Variants in PPM1L observed in about 807,000 individuals in gnomAD.
The protein encoded by PPM1L is protein phosphatase, Mg2+/Mn2+ dependent 1L, also known as protein phosphatase 1L.
Under a neutral mutation model 31.4 loss-of-function variants are expected in PPM1L, and 13 were observed. That is an observed-to-expected ratio of 0.41 (90% CI 0.27 to 0.66). The LOEUF (loss-of-function observed/expected upper bound fraction) is 0.66. PPM1L is among the 30% of genes least tolerant of loss of function. The pLI, the probability that PPM1L is intolerant of heterozygous loss-of-function variation, is 0.29. For missense variants in PPM1L, 326 were observed against 453.7 expected, an observed-to-expected ratio of 0.72 and a Z score of 2.56; for synonymous variants, 184 against 175.4, an observed-to-expected ratio of 1.05 and a Z score of -0.39.
intron 2 of PPM1L, among the ~76,000 whole-genome samples, chr3:161,053,257 T>C (rs969952757): frequency 1.3e-5 from 2 of 152,208 alleles, no homozygotes; most frequent in Middle Eastern, 3.2e-3. Context: ...GCAATAGTTA[T>C]GAGAAGTATG....
At chr3:160,860,865 G>A (rs963534596) in intron 1 of PPM1L, among the ~76,000 whole-genome samples, 1 of 152,008 alleles carries the variant, frequency 6.6e-6, no homozygotes, top group Non-Finnish European at 1.5e-5. Flanking sequence ...CTTCCTATAA[G>A]GGCTCTAATC....
chr3:161,021,899 C>G (rs1718245031), intron 2 of PPM1L, among the ~76,000 whole-genome samples: 1 of 151,842 alleles, frequency 6.6e-6, no homozygotes, highest in Admixed American at 6.6e-5. Flanking sequence ...GCCATTGGAT[C>G]TAAAGTATTT....
At chr3:161,010,272 G>A (rs1007256689) in intron 2 of PPM1L, among the ~76,000 whole-genome samples, 3 of 151,914 alleles carry the variant, frequency 2.0e-5, no homozygotes, top group African/African-American at 4.8e-5. Context: ...TTGTCCTTGT[G>A]CTAGTTTGCT....
chr3:161,001,988 TCCCCCAA>T (rs1717501209), intron 2 of PPM1L, among the ~76,000 whole-genome samples: 1 of 76,164 alleles, frequency 1.3e-5, no homozygotes, highest in Non-Finnish European at 2.7e-5. Context: ...CCCTCCCCCC[TCCCCCAA>T]CCCCACAACA....
chr3:161,010,334 A>G (rs1717850958), intron 2 of PPM1L, among the ~76,000 whole-genome samples: 1 of 152,108 alleles, frequency 6.6e-6, no homozygotes, highest in African/African-American at 2.4e-5. Flanking sequence ...ACATGAACTC[A>G]TCCTTTTTAT....
At chr3:160,974,617 G>A (rs1222833638) in intron 2 of PPM1L, among the ~76,000 whole-genome samples, 3 of 151,252 alleles carry the variant, frequency 2.0e-5, no homozygotes, top group African/African-American at 4.9e-5. Context: ...TTTCTCTGAT[G>A]GCCAGTGATG....
intron 2 of PPM1L, among the ~76,000 whole-genome samples, chr3:160,984,674 C>T (rs1306042412): frequency 1.3e-5 from 2 of 152,188 alleles, no homozygotes; most frequent in South Asian, 2.1e-4. Flanking sequence ...TTCAGGGTCC[C>T]TGACTTCCTG....
chr3:161,006,655 C>A (rs1478083198), intron 2 of PPM1L, among the ~76,000 whole-genome samples: 1 of 150,118 alleles, frequency 6.7e-6, no homozygotes, highest in African/African-American at 2.5e-5. Context: ...TGCCATCAAA[C>A]ACTTCAGAAA....
intron 1 of PPM1L, among the ~76,000 whole-genome samples, chr3:160,832,534 C>T (rs903537542): frequency 2.0e-5 from 3 of 151,982 alleles, no homozygotes; most frequent in Admixed American, 2.0e-4. Flanking sequence ...TTTTATGAGT[C>T]CCAAAAACAA....
At chr3:160,950,192 A>G (rs936215470) in intron 1 of PPM1L, among the ~76,000 whole-genome samples, 5 of 152,104 alleles carry the variant, frequency 3.3e-5, no homozygotes, top group African/African-American at 4.8e-5. Flanking sequence ...TTGCTTGTCA[A>G]TCCACCTCCT....
intron 1 of PPM1L, among the ~76,000 whole-genome samples, chr3:160,771,654 A>T (rs944480085): frequency 1.3e-5 from 2 of 151,006 alleles, no homozygotes; most frequent in African/African-American, 2.4e-5. Context: ...GAAGCAGAAT[A>T]AACATGTGAC....
At chr3:160,802,527 G>T (rs750714743) in intron 1 of PPM1L, among the ~76,000 whole-genome samples, 1 of 152,166 alleles carries the variant, frequency 6.6e-6, no homozygotes. Context: ...ATTGAGCGCC[G>T]GGCTGGGTAC....
intron 1 of PPM1L, among the ~76,000 whole-genome samples, chr3:160,790,748 A>G (rs533273555): frequency 4.6e-5 from 7 of 152,258 alleles, no homozygotes; most frequent in Admixed American, 1.3e-4. Flanking sequence ...GAGAAGTCAC[A>G]GAGGGATGGC....
At chr3:160,944,336 G>C (rs981116326) in intron 1 of PPM1L, among the ~76,000 whole-genome samples, 2 of 151,818 alleles carry the variant, frequency 1.3e-5, no homozygotes, top group African/African-American at 4.8e-5. Context: ...AGTTGCTTAA[G>C]TTAGTTTTTT....
intron 1 of PPM1L, among the ~76,000 whole-genome samples, chr3:160,884,356 G>A (rs979181879): frequency 7.9e-5 from 12 of 152,134 alleles, no homozygotes; most frequent in African/African-American, 2.9e-4. Context: ...AGTGGAGAGT[G>A]CATTCCAGGT....
At chr3:160,924,759 G>A (rs1455212488) in intron 1 of PPM1L, among the ~76,000 whole-genome samples, 2 of 152,196 alleles carry the variant, frequency 1.3e-5, no homozygotes, top group Non-Finnish European at 2.9e-5. Context: ...AGTAAAGGGA[G>A]CACTTGTGTA....
At position 161,072,168 on chromosome 3, in the gene PPM1L, T is replaced by C. The variant is rs1719944848; in HGVS notation, c.*3011T>C. The C allele has an allele frequency of 6.6e-6, 1 of 152,208 alleles. No homozygotes were observed. Among genetic ancestry groups the C allele is most frequent in the Non-Finnish European group, 1.5e-5 (1 of 68,038 alleles). 9.4% of individuals were successfully genotyped at this position (152,208 alleles called of 1,614,324 possible). ...TTTTTTAATTAATTGTATCTAAAAT[T>C]CTTTCATCATAGGAATAAACAACAC... On this transcript the variant is annotated 3_prime_UTR_variant, in exon 4 of 4. Transcript: ENST00000498165.
Position 160,862,697 on chromosome 3 carries a change from CACACACAA to C in PPM1L, c.400-99037_400-99030del, listed in dbSNP as rs1390771325. Among the ~76,000 whole-genome samples the C allele has an allele frequency of 1.6e-3, 215 of 138,116 alleles. 1 individual carries two copies. The highest frequency in any genetic ancestry group is 5.9e-3 in the African/African-American group (177 of 30,060). The allele number at this position is 138,116 out of a possible 152,430, so 90.6% of individuals were successfully genotyped here. On this transcript the variant is annotated intron_variant, in intron 1 of 3. Transcript: ENST00000498165. ...ACACACACACACACACACACACACA[CACACACAA>C]AATTCTGAAACCCTAATACTGTCAA...
At chr3:160,812,674 G>A (rs983581983) in intron 1 of PPM1L, among the ~76,000 whole-genome samples, 1 of 152,104 alleles carries the variant, frequency 6.6e-6, no homozygotes, top group Non-Finnish European at 1.5e-5. Context: ...AAGAGAGTAT[G>A]CAAAGACAGG....
Sources: gnomAD v4.1 joint callset for allele counts (sites outside exome capture counted in the v4.1 genomes callset) on GRCh38, gnomAD v4.1.1 for gene constraint, MANE v1.5 for transcripts, NCBI Gene and HGNC (gene_info 2026-07-23, HGNC 2026-07-21) for gene names.